The following PTPRO variants were observed in gnomAD, a reference collection of about 807,000 sequenced individuals.
The protein encoded by PTPRO is receptor-type tyrosine-protein phosphatase O.
Under a neutral mutation model 145.2 loss-of-function variants are expected in PTPRO, and 62 were observed. That is an observed-to-expected ratio of 0.43 (90% confidence interval 0.35 to 0.53). The LOEUF (loss-of-function observed/expected upper bound fraction) is 0.53, where lower values mean the gene tolerates loss of function less well. Among genes scored for constraint, PTPRO ranks in the 20% least tolerant of loss-of-function variants. PTPRO has a pLI of 0.01. For missense variants in PTPRO, 1,345 were observed against 1,482.7 expected, an observed-to-expected ratio of 0.91 and a Z score of 1.53; for synonymous variants, 565 against 514.7, an observed-to-expected ratio of 1.10 and a Z score of -1.32.
chr12:15,428,845 A>G (rs972502305), intron 1 of PTPRO, among the ~76,000 whole-genome samples: 2 of 152,090 alleles, frequency 1.3e-5, no homozygotes, highest in Non-Finnish European at 2.9e-5. Flanking sequence ...CAGCATTTCC[A>G]TTCACATTCC....
chr12:15,420,121 T>C (rs929749352), intron 1 of PTPRO, among the ~76,000 whole-genome samples: 8 of 126,188 alleles, frequency 6.3e-5, no homozygotes, highest in Non-Finnish European at 9.4e-5. Flanking sequence ...CACTCTAGCC[T>C]GGGCGAAAGA....
intron 17 of PTPRO, among the ~76,000 whole-genome samples, chr12:15,560,867 G>A (rs1943755435): frequency 6.6e-6 from 1 of 152,088 alleles, no homozygotes; most frequent in Non-Finnish European, 1.5e-5. Flanking sequence ...ATTCCACTAT[G>A]TACAGAATCC....
chr12:15,401,368 G>C (rs1483794869), intron 1 of PTPRO, among the ~76,000 whole-genome samples: 3 of 152,148 alleles, frequency 2.0e-5, no homozygotes, highest in Non-Finnish European at 4.4e-5. Flanking sequence ...TGTACTACTG[G>C]CTATCTCAGA....
At chr12:15,336,967 T>C (rs1866784889) in intron 1 of PTPRO, among the ~76,000 whole-genome samples, 1 of 152,204 alleles carries the variant, frequency 6.6e-6, no homozygotes, top group Admixed American at 6.5e-5. Context: ...GTCTTTGGAA[T>C]TGGCATGTGA....
In PTPRO at chr12:15,560,221, C is replaced by G; in HGVS notation, c.2656C>G (p.Leu886Val). The G allele has an allele frequency of 6.3e-7, 1 of 1,596,108 alleles. No homozygotes were observed. Among genetic ancestry groups the G allele is most frequent in the East Asian group, 2.2e-5 (1 of 44,668 alleles). Reference sequence around the variant, plus strand: ...TAGGAGTATATTTGCTTTCTTAACCCTGCTACCCTCATGTCTTTGGACTGA... The same window carrying G: ...TAGGAGTATATTTGCTTTCTTAACCGTGCTACCCTCATGTCTTTGGACTGA... ...WRRSIFAFLT[L>V]LPSCLWTDYL... is the part of the protein sequence containing the mutation. The change falls in exon 17 of 27, where the codon CTG (leucine) becomes GTG (valine). Residue 886 changes from leucine (L) to valine (V), a missense_variant. This residue lies in a region of PTPRO where 1,130 missense variants were observed against 1,214.7 expected (regional missense o/e 0.93). Coordinates refer to ENST00000281171, the MANE Select transcript of PTPRO (RefSeq NM_030667.3).
intron 22 of PTPRO, among the ~76,000 whole-genome samples, chr12:15,581,460 T>C (rs1445201817): frequency 1.3e-5 from 2 of 152,082 alleles, no homozygotes; most frequent in Non-Finnish European, 2.9e-5. Flanking sequence ...CTTTGTCCCC[T>C]GACCCCTCAA....
At chr12:15,518,478 T>G (rs2136510123) in intron 9 of PTPRO, among the ~76,000 whole-genome samples, 1 of 152,334 alleles carries the variant, frequency 6.6e-6, no homozygotes, top group Admixed American at 6.5e-5. Context: ...AACTCCTCAT[T>G]ACTTATTCAA....
chr12:15,361,991 T>C (rs1182561358), intron 1 of PTPRO, among the ~76,000 whole-genome samples: 1 of 152,218 alleles, frequency 6.6e-6, no homozygotes, highest in Non-Finnish European at 1.5e-5. Context: ...ACACTGTACA[T>C]GAACTACAGT....
At chr12:15,528,935 A>C (rs1049528310) in intron 12 of PTPRO, among the ~76,000 whole-genome samples, 2 of 152,226 alleles carry the variant, frequency 1.3e-5, no homozygotes, top group Non-Finnish European at 2.9e-5. Context: ...ATATGAAGGA[A>C]AGATAAAGTA....
intron 6 of PTPRO, among the ~76,000 whole-genome samples, chr12:15,505,764 A>G (rs921693649): frequency 6.6e-6 from 1 of 152,224 alleles, no homozygotes; most frequent in Non-Finnish European, 1.5e-5. Flanking sequence ...GCAAAAGTAT[A>G]TTTGCAGCCT....
At chr12:15,470,935 G>A (rs1396353201) in intron 1 of PTPRO, among the ~76,000 whole-genome samples, 1 of 152,126 alleles carries the variant, frequency 6.6e-6, no homozygotes, top group Non-Finnish European at 1.5e-5. Context: ...TGTTGTAATT[G>A]TGCTTTTTAA....
chr12:15,548,528 ATGTGTG>A (rs34372542), intron 13 of PTPRO, among the ~76,000 whole-genome samples: 8 of 149,228 alleles, frequency 5.4e-5, no homozygotes, highest in East Asian at 4.0e-4. Context: ...GTGTATATAT[ATGTGTG>A]TGTGTGTGTG....
chr12:15,327,672 GT>G (rs200281319), intron 1 of PTPRO, among the ~76,000 whole-genome samples: 13 of 151,974 alleles, frequency 8.6e-5, no homozygotes, highest in African/African-American at 3.1e-4. Context: ...AAATATGTAA[GT>G]TTTTTTTGTG....
intron 1 of PTPRO, among the ~76,000 whole-genome samples, chr12:15,407,607 CTA>C (rs34048556): frequency 0.11 from 17,412 of 152,134 alleles, 1,465 homozygotes; most frequent in African/African-American, 0.24. Flanking sequence ...AGCTTATGTA[CTA>C]TATAACCCAC....
At chr12:15,416,735 T>C (rs1591793193) in intron 1 of PTPRO, among the ~76,000 whole-genome samples, 1 of 150,954 alleles carries the variant, frequency 6.6e-6, no homozygotes, top group South Asian at 2.1e-4. Flanking sequence ...TTTTTTTTTT[T>C]TCCCCACCAA....
chr12:15,531,205 A>C (rs1426651543), intron 12 of PTPRO, among the ~76,000 whole-genome samples: 1 of 152,160 alleles, frequency 6.6e-6, no homozygotes, highest in African/African-American at 2.4e-5. Context: ...CAGTGAGATG[A>C]AAGTCATAAT....
chr12:15,418,170 G>A (rs953596723), intron 1 of PTPRO, among the ~76,000 whole-genome samples: 1 of 151,778 alleles, frequency 6.6e-6, no homozygotes, highest in African/African-American at 2.4e-5. Context: ...ACCTCCTTGT[G>A]GACAAGAACT....
At chr12:15,335,550 C>T (rs1054296781) in intron 1 of PTPRO, among the ~76,000 whole-genome samples, 1 of 151,926 alleles carries the variant, frequency 6.6e-6, no homozygotes, top group African/African-American at 2.4e-5. Context: ...TGACTATAGG[C>T]CTTATTCAAA....
At position 15,440,081 on chromosome 12, in the gene PTPRO, C is replaced by G. The variant is rs778634498; in HGVS notation, c.76-43893C>G. The G allele has an allele frequency of 1.1e-5, 7 of 632,118 alleles. No individual in the cohort carries two copies. The East Asian group carries it at 2.0e-4, about 18-fold the overall frequency. The allele number at this position is 632,118 out of a possible 1,614,324, so 39.2% of individuals were successfully genotyped here. On this transcript the variant is annotated intron_variant, in intron 1 of 26. Transcript: ENST00000281171. ...CACTGTCCCTTGCAAGGTGACAGACCGCTGCAGCTCTGTGCTGGTGCACCT... is the reference window on the plus strand; with the variant it reads ...CACTGTCCCTTGCAAGGTGACAGACGGCTGCAGCTCTGTGCTGGTGCACCT...
Sources: gnomAD v4.1 joint callset for allele counts (sites outside exome capture counted in the v4.1 genomes callset) on GRCh38, gnomAD v4.1.1 for gene constraint, gnomAD v4.1.1 regional missense constraint, MANE v1.5 for transcripts, NCBI Gene and HGNC (gene_info 2026-07-23, HGNC 2026-07-21) for gene names.